POMT2: variants seen among roughly 807,000 people sequenced by gnomAD.
POMT2 encodes protein O-mannosyl-transferase 2.
POMT2 carries 75 observed loss-of-function variants against 100.0 expected under a neutral mutation model. The observed-to-expected ratio is 0.75, with a 90% CI of 0.62 to 0.91. The LOEUF (loss-of-function observed/expected upper bound fraction) is 0.91. Ranked by LOEUF, POMT2 falls within the 40% of genes least tolerant of loss-of-function variation. The pLI is 0.00. For synonymous variants in POMT2, 378 were observed against 374.1 expected (o/e 1.01, Z -0.12); for missense variants, 940 against 955.1 (o/e 0.98, Z 0.21).
intron 8 of POMT2, among the ~76,000 whole-genome samples, chr14:77,298,258 C>A (rs994262958): frequency 2.4e-4 from 37 of 152,208 alleles, no homozygotes; most frequent in African/African-American, 8.0e-4. Context: ...ACGTACTTAA[C>A]GCTTCCAGCC....
chr14:77,314,910 T>C (rs141868347), intron 1 of POMT2, among the ~76,000 whole-genome samples: 153 of 152,350 alleles, frequency 1.0e-3, no homozygotes, highest in African/African-American at 3.5e-3. Context: ...ATGACTTGCT[T>C]TGTGGCTCGG....
chr14:77,293,484 C>T (rs1890714008), intron 9 of POMT2, among the ~76,000 whole-genome samples: 1 of 152,236 alleles, frequency 6.6e-6, no homozygotes, highest in Non-Finnish European at 1.5e-5. Flanking sequence ...CAGATAAACA[C>T]TTAATCTTCT....
At position 77,285,639 on chromosome 14, in the gene POMT2, T is replaced by C. The variant is rs749276761; in HGVS notation, c.1333-7A>G. 6.2e-7 allele frequency: 1 copy of C among 1,611,510 alleles called. No individual in the cohort carries two copies. Among genetic ancestry groups the C allele is most frequent in the Non-Finnish European group, 8.5e-7 (1 of 1,177,750 alleles). ...TTGAGTCCCCTGTTCCATTCTGCCA[T>C]AAAAGCCAAGAAAAAAATACAAAGA... On this transcript the variant is annotated splice_polypyrimidine_tract_variant and splice_region_variant and intron_variant, in intron 12 of 20. Coordinates refer to ENST00000261534, the MANE Select transcript of POMT2 (RefSeq NM_013382.7).
chr14:77,302,717 T>A, intron 5 of POMT2, 118 bp downstream of exon 5: 1 of 770,764 alleles, frequency 1.3e-6, no homozygotes, highest in Non-Finnish European at 2.2e-6. Flanking sequence ...AAAGTATGCT[T>A]GCCTTAAAAT....
chr14:77,301,597 A>G (rs905360596), intron 5 of POMT2, among the ~76,000 whole-genome samples: 3 of 152,220 alleles, frequency 2.0e-5, no homozygotes, highest in African/African-American at 7.2e-5. Flanking sequence ...GGACTCAGGC[A>G]GCCCTCTCCT....
chr14:77,306,489 A>C (rs1891234317), intron 2 of POMT2, 48 bp from the exon 3 acceptor site: 2 of 1,600,280 alleles, frequency 1.2e-6, no homozygotes, highest in Non-Finnish European at 1.7e-6. Context: ...TTGGGAGAAG[A>C]TTCCTCTGTC....
At chr14:77,306,152 C>T in intron 3 of POMT2, 185 bp downstream of exon 3, 1 of 1,015,804 alleles carries the variant, frequency 9.8e-7, no homozygotes, top group Non-Finnish European at 1.4e-6. Context: ...CTCCTCTTCC[C>T]TTCTTCCTCA....
chr14:77,285,579 T>C lies in POMT2; in HGVS notation c.1386A>G (p.Lys462=). The change falls in exon 13 of 21, where the codon AAA becomes AAG. Residue 462 remains lysine (K), a synonymous_variant. Coordinates refer to ENST00000261534, the MANE Select transcript of POMT2 (RefSeq NM_013382.7). ...DFWRIEVVNR[K]FGNRIKVLRS... ...TCAGCACTTTGATCCGGTTTCCAAATTTCCTGTTTACGACCTCAATCCGCC... is the reference window on the plus strand; with the variant it reads ...TCAGCACTTTGATCCGGTTTCCAAACTTCCTGTTTACGACCTCAATCCGCC... 1 of 1,613,960 alleles carries C rather than the reference T, an allele frequency of 6.2e-7. No homozygotes were observed. Among genetic ancestry groups the C allele is most frequent in the Non-Finnish European group, 8.5e-7 (1 of 1,179,840 alleles).
chr14:77,317,157 T>C (rs1004936049), intron 1 of POMT2, among the ~76,000 whole-genome samples: 10 of 152,244 alleles, frequency 6.6e-5, no homozygotes, highest in African/African-American at 2.4e-4. Context: ...GCCAGACTTG[T>C]GACTCCTGCC....
chr14:77,313,395 T>G (rs1373559273), intron 1 of POMT2, among the ~76,000 whole-genome samples: 1 of 152,238 alleles, frequency 6.6e-6, no homozygotes, highest in Non-Finnish European at 1.5e-5. Context: ...TGAAACTGAT[T>G]TGCAGAAAGA....
At chr14:77,310,109 C>T (rs970927137) in intron 2 of POMT2, among the ~76,000 whole-genome samples, 4 of 152,262 alleles carry the variant, frequency 2.6e-5, no homozygotes, top group Non-Finnish European at 1.5e-5. Context: ...TATGAAAAAT[C>T]TTCATCAGAA....
At chr14:77,301,865 C>T (rs1891056514) in intron 5 of POMT2, among the ~76,000 whole-genome samples, 1 of 151,896 alleles carries the variant, frequency 6.6e-6, no homozygotes, top group Admixed American at 6.6e-5. Context: ...AACCATTTTG[C>T]TATTCGTATA....
Position 77,296,268 on chromosome 14 carries a change from C to T in POMT2, c.1012G>A (p.Ala338Thr), listed in dbSNP as rs771636400. 10 of 1,598,390 alleles carry T rather than the reference C, an allele frequency of 6.3e-6. No homozygotes were observed. Among genetic ancestry groups the T allele is most frequent in the Non-Finnish European group, 8.5e-6 (10 of 1,172,766 alleles). The change falls in exon 9 of 21, where the codon GCC becomes ACC. Residue 338 changes from alanine (A) to threonine (T), a missense_variant. Ala to Thr is a moderately conservative substitution (Grantham distance 58). Coordinates refer to ENST00000261534, the MANE Select transcript of POMT2 (RefSeq NM_013382.7). ...TTCACAGTGATCACAGAGCCGTAGG[C>T]CAGGTCTGGGAGGAAGGGAGACAGC... ...LHNASIPEHL[A>T]YGSVITVKNL... is the part of the protein sequence containing the mutation.
At chr14:77,288,613 CT>C (rs1890525274) in intron 11 of POMT2, 148 bp downstream of exon 11, 4 of 711,280 alleles carry the variant, frequency 5.6e-6, no homozygotes, top group Non-Finnish European at 1.0e-5. Context: ...ATTTCATCAC[CT>C]TCATAAAATG....
intron 13 of POMT2, 51 bp downstream of exon 13, chr14:77,285,430 G>A: frequency 1.2e-6 from 2 of 1,610,490 alleles, no homozygotes; most frequent in Non-Finnish European, 1.7e-6. Flanking sequence ...CTTGTAGAGT[G>A]AAAGGAAAAT....
At chr14:77,286,645 G>C in intron 12 of POMT2, 99 bp downstream of exon 12, 3 of 1,550,490 alleles carry the variant, frequency 1.9e-6, no homozygotes, top group South Asian at 1.1e-5. Flanking sequence ...TTATCCTCAG[G>C]AACATTCCAG....
At chr14:77,279,524 C>T (rs1259550255) in intron 18 of POMT2, 1 of 547,424 alleles carries the variant, frequency 1.8e-6, no homozygotes, top group Non-Finnish European at 3.5e-6. Flanking sequence ...TGAGCCTCAG[C>T]TCTATCACTT....
Position 77,320,657 on chromosome 14 carries a change from G to C in POMT2, c.25C>G (p.Leu9Val), listed in dbSNP as rs1280735533. The change falls in exon 1 of 21, where the codon CTG becomes GTG. Residue 9 changes from leucine to valine, a missense_variant. Transcript: ENST00000261534. ...CGGGGACGCAGCTCGGACTCTGCCAGGCCTCCGCCCGTGGCCGGCGGCATC... is the reference window on the plus strand; with the variant it reads ...CGGGGACGCAGCTCGGACTCTGCCACGCCTCCGCCCGTGGCCGGCGGCATC... MPPATGGG[L>V]AESELRPRRG... 8 of 1,593,636 alleles carry C rather than the reference G, an allele frequency of 5.0e-6. No individual in the cohort carries two copies. The highest frequency in any genetic ancestry group is 3.3e-5 in the Admixed American group (2 of 59,778).
At chr14:77,292,096 T>A (rs922576534) in intron 9 of POMT2, among the ~76,000 whole-genome samples, 9 of 152,160 alleles carry the variant, frequency 5.9e-5, no homozygotes, top group African/African-American at 2.2e-4. Flanking sequence ...GCTATTATAT[T>A]TTCTATAATG....
Sources: gnomAD v4.1 joint callset for allele counts (sites outside exome capture counted in the v4.1 genomes callset) on GRCh38, gnomAD v4.1.1 for gene constraint, MANE v1.5 for transcripts, NCBI Gene and HGNC (gene_info 2026-07-23, HGNC 2026-07-21) for gene names.